Variants in LIPA observed in about 807,000 individuals in gnomAD.
LIPA encodes the protein lysosomal acid lipase/cholesteryl ester hydrolase.
In LIPA, 26 loss-of-function variants were observed where a neutral mutation model predicts 40.6. The observed-to-expected ratio is 0.64, with a 90% CI of 0.47 to 0.89. LIPA has a LOEUF of 0.89. Among genes scored for constraint, LIPA ranks in the 40% least tolerant of loss-of-function variants. The probability of loss-of-function intolerance (pLI) is 0.00; values close to 1 mark genes in which losing one functional copy is unlikely to be tolerated. For synonymous variants in LIPA, 188 were observed against 168.4 expected, an observed-to-expected ratio of 1.12 and a Z score of -0.90; for missense variants, 455 against 479.6, an observed-to-expected ratio of 0.95 and a Z score of 0.48.
At chr10:89,238,574 C>T (rs991511452) in intron 3 of LIPA, among the ~76,000 whole-genome samples, 1 of 152,146 alleles carries the variant, frequency 6.6e-6, no homozygotes, top group East Asian at 1.9e-4. Context: ...CCACTTCCTC[C>T]CCCTCTTCCA....
chr10:89,339,269 A>G (rs1421795302), intron 1 of LIPA: 4 of 1,614,222 alleles, frequency 2.5e-6, no homozygotes, highest in Middle Eastern at 3.3e-4. Flanking sequence ...CTGAGTCCTG[A>G]TAACCAATAC....
intron 2 of LIPA, among the ~76,000 whole-genome samples, chr10:89,369,526 C>T (rs1349056974): frequency 3.3e-5 from 5 of 152,110 alleles, no homozygotes; most frequent in Non-Finnish European, 5.9e-5. Context: ...TTCTGAAAAC[C>T]GGTATGTTGG....
At chr10:89,380,125 T>C (rs1377348310) in intron 2 of LIPA, among the ~76,000 whole-genome samples, 4 of 152,104 alleles carry the variant, frequency 2.6e-5, no homozygotes, top group African/African-American at 9.7e-5. Context: ...CCTTGGTAGC[T>C]AGTCTATGTG....
intron 2 of LIPA, chr10:89,404,704 C>A (rs1234022386): frequency 6.6e-6 from 1 of 152,250 alleles, no homozygotes; most frequent in Non-Finnish European, 1.5e-5. Flanking sequence ...CCTGTAATCT[C>A]AGCACTTCGA....
chr10:89,377,239 A>T (rs1844128290), intron 2 of LIPA, among the ~76,000 whole-genome samples: 1 of 152,256 alleles, frequency 6.6e-6, no homozygotes, highest in Non-Finnish European at 1.5e-5. Context: ...TTTGTAACAG[A>T]TAATCTTCAA....
chr10:89,378,393 G>A (rs912733456), intron 2 of LIPA, among the ~76,000 whole-genome samples: 3 of 152,116 alleles, frequency 2.0e-5, no homozygotes, highest in Non-Finnish European at 1.5e-5. Flanking sequence ...GGGAAGAGGC[G>A]TGTTGGTTTA....
chr10:89,387,718 T>A (rs142560246), intron 2 of LIPA, among the ~76,000 whole-genome samples: 8 of 152,324 alleles, frequency 5.3e-5, no homozygotes, highest in African/African-American at 1.9e-4. Flanking sequence ...AAATGTTTTA[T>A]CAATTAATTG....
At chr10:89,376,032 C>CA (rs981528030) in intron 2 of LIPA, among the ~76,000 whole-genome samples, 3 of 151,502 alleles carry the variant, frequency 2.0e-5, no homozygotes, top group African/African-American at 2.4e-5. Context: ...ACTAAAAATA[C>CA]AAAAAAATAG....
intron 2 of LIPA, among the ~76,000 whole-genome samples, chr10:89,349,034 A>T (rs1047528975): frequency 4.6e-5 from 7 of 152,178 alleles, no homozygotes; most frequent in African/African-American, 1.4e-4. Flanking sequence ...ATCACTTTGG[A>T]CTTCAAAATG....
intron 2 of LIPA, among the ~76,000 whole-genome samples, chr10:89,412,098 G>A (rs1841473894): frequency 6.6e-6 from 1 of 152,128 alleles, no homozygotes; most frequent in African/African-American, 2.4e-5. Flanking sequence ...TTCCCCTCTG[G>A]AGGACACTAC....
At chr10:89,224,989 A>G in intron 6 of LIPA, 103 bp downstream of exon 6, 1 of 1,405,664 alleles carries the variant, frequency 7.1e-7, no homozygotes, top group Admixed American at 1.7e-5. Flanking sequence ...CTGATATCAA[A>G]ACGCAGGGGA....
intron 8 of LIPA, among the ~76,000 whole-genome samples, chr10:89,216,603 A>G (rs1842630688): frequency 6.6e-6 from 1 of 152,200 alleles, no homozygotes; most frequent in Non-Finnish European, 1.5e-5. Flanking sequence ...ATTTTAAAAC[A>G]GTGTAACACC....
chr10:89,290,991 G>A (rs531652104), intron 1 of LIPA, among the ~76,000 whole-genome samples: 35 of 152,320 alleles, frequency 2.3e-4, no homozygotes, highest in Admixed American at 3.9e-4. Context: ...ACATTATATT[G>A]TGAGTGTTTT....
intron 2 of LIPA, among the ~76,000 whole-genome samples, chr10:89,388,426 A>G (rs1844224021): frequency 6.6e-6 from 1 of 152,152 alleles, no homozygotes; most frequent in African/African-American, 2.4e-5. Context: ...CTTAAACTCT[A>G]CTTAGCACCA....
chr10:89,266,509 G>A (rs1292196579), intron 1 of LIPA, among the ~76,000 whole-genome samples: 1 of 152,186 alleles, frequency 6.6e-6, no homozygotes, highest in Non-Finnish European at 1.5e-5. Context: ...TGTATAAGGT[G>A]TATATGAAAC....
At chr10:89,223,941 C>CTCA (rs1842734916) in intron 6 of LIPA, 111 bp from the exon 7 acceptor site, 2 of 1,133,478 alleles carry the variant, frequency 1.8e-6, no homozygotes, top group Non-Finnish European at 2.6e-6. Flanking sequence ...CACGAATGGC[C>CTCA]TCAGGAGAGA....
intron 1 of LIPA, among the ~76,000 whole-genome samples, chr10:89,300,384 T>A (rs889822470): frequency 6.6e-6 from 1 of 152,232 alleles, no homozygotes; most frequent in Non-Finnish European, 1.5e-5. Flanking sequence ...AACAATATTA[T>A]GTATATTTTA....
chr10:89,237,487 C>T lies in LIPA; in HGVS notation c.229+8189G>A, dbSNP rs145415755. ...ATATATATATATATCCCACAAAGGA[C>T]GTTTATTAGTAAGGAAGAGAAACAA... On this transcript the variant is annotated intron_variant, in intron 3 of 9. Transcript: ENST00000336233. 8.6e-5 allele frequency among the ~76,000 whole-genome samples: 13 copies of T among 151,898 alleles called. No individual in the cohort carries two copies. The East Asian group carries it at 2.1e-3, about 25-fold the overall frequency.
chr10:89,235,907 T>C (rs1842899386), intron 3 of LIPA, among the ~76,000 whole-genome samples: 1 of 152,178 alleles, frequency 6.6e-6, no homozygotes, highest in Admixed American at 6.5e-5. Context: ...ATAGTAACAA[T>C]AATAAATCTA....
Sources: gnomAD v4.1 joint callset for allele counts (sites outside exome capture counted in the v4.1 genomes callset) on GRCh38, gnomAD v4.1.1 for gene constraint, MANE v1.5 for transcripts, NCBI Gene and HGNC (gene_info 2026-07-23, HGNC 2026-07-21) for gene names.